Variants in LUZP2 observed in about 807,000 individuals in gnomAD.
LUZP2 encodes the protein leucine zipper protein 2.
Under a neutral mutation model 51.6 loss-of-function variants are expected in LUZP2, and 52 were observed. That is an observed-to-expected ratio of 1.01 (90% CI 0.81 to 1.27). LUZP2 has a LOEUF of 1.27. Among genes scored for constraint, LUZP2 ranks in the 50% most tolerant of loss-of-function variants. LUZP2 has a pLI of 0.00. For synonymous variants in LUZP2, 154 were observed against 137.3 expected (o/e 1.12, Z -0.85); for missense variants, 436 against 395.4 (o/e 1.10, Z -0.87).
At chr11:24,844,228 C>T (rs1590628137) in intron 5 of LUZP2, among the ~76,000 whole-genome samples, 1 of 152,216 alleles carries the variant, frequency 6.6e-6, no homozygotes, top group Non-Finnish European at 1.5e-5. Flanking sequence ...CTGAGGTGGT[C>T]TCAGATGCAG....
chr11:24,932,361 C>G (rs1230304293), intron 7 of LUZP2, among the ~76,000 whole-genome samples: 5 of 152,014 alleles, frequency 3.3e-5, no homozygotes, highest in Non-Finnish European at 7.4e-5. Flanking sequence ...CCATAGTGCT[C>G]CCACGAGATT....
At chr11:25,030,967 A>G (rs1435498563) in intron 9 of LUZP2, among the ~76,000 whole-genome samples, 7 of 10,322 alleles carry the variant, frequency 6.8e-4, no homozygotes, top group South Asian at 3.2e-3. Context: ...AATACAATAT[A>G]TATTATATAT....
At chr11:24,738,951 A>G (rs1458156173) in intron 4 of LUZP2, among the ~76,000 whole-genome samples, 1 of 152,086 alleles carries the variant, frequency 6.6e-6, no homozygotes, top group Non-Finnish European at 1.5e-5. Flanking sequence ...CTTACGCACC[A>G]TGTATAGGGA....
At chr11:24,976,739 A>G in intron 8 of LUZP2, 74 bp downstream of exon 8, 2 of 726,858 alleles carry the variant, frequency 2.8e-6, no homozygotes, top group East Asian at 7.2e-5. Flanking sequence ...AAGTTAAAGT[A>G]TGCTCATTGC....
At chr11:24,705,432 G>T (rs1031010509) in intron 1 of LUZP2, among the ~76,000 whole-genome samples, 36 of 152,144 alleles carry the variant, frequency 2.4e-4, no homozygotes, top group Non-Finnish European at 1.6e-4. Context: ...TGAAATTCCG[G>T]AACAGTATAT....
intron 5 of LUZP2, among the ~76,000 whole-genome samples, chr11:24,841,404 C>G (rs561151013): frequency 6.6e-6 from 1 of 152,088 alleles, no homozygotes; most frequent in African/African-American, 2.4e-5. Context: ...GCCACCTGGT[C>G]TATGGTATTT....
intron 5 of LUZP2, among the ~76,000 whole-genome samples, chr11:24,827,578 A>G (rs1850580094): frequency 6.6e-6 from 1 of 152,108 alleles, no homozygotes; most frequent in African/African-American, 2.4e-5. Flanking sequence ...GGAACATTTT[A>G]GGTGAAAAGA....
intron 5 of LUZP2, among the ~76,000 whole-genome samples, chr11:24,830,730 C>A (rs1000705218): frequency 7.9e-5 from 12 of 152,052 alleles, no homozygotes; most frequent in Non-Finnish European, 1.6e-4. Context: ...TGCGGTGGCT[C>A]ATGCCTGTAA....
intron 9 of LUZP2, among the ~76,000 whole-genome samples, chr11:25,036,338 G>T (rs986248152): frequency 2.0e-5 from 3 of 151,940 alleles, no homozygotes; most frequent in Non-Finnish European, 4.4e-5. Flanking sequence ...ATTTCTGATT[G>T]TGCTTATTGC....
chr11:24,855,336 C>G (rs1174063679), intron 5 of LUZP2, among the ~76,000 whole-genome samples: 2 of 152,012 alleles, frequency 1.3e-5, no homozygotes, highest in African/African-American at 4.8e-5. Context: ...CAATAACAAA[C>G]AAGCTGAGAA....
chr11:24,727,896 C>T (rs764167229), intron 1 of LUZP2, among the ~76,000 whole-genome samples: 6 of 151,756 alleles, frequency 4.0e-5, no homozygotes, highest in Admixed American at 6.6e-5. Context: ...ATGAGATGAA[C>T]GTATTAATCA....
At chr11:25,043,174 C>G (rs1221369204) in intron 9 of LUZP2, among the ~76,000 whole-genome samples, 1 of 152,058 alleles carries the variant, frequency 6.6e-6, no homozygotes, top group Non-Finnish European at 1.5e-5. Context: ...TTGTTTTAAG[C>G]CACTCACTCT....
At chr11:24,955,114 A>C (rs925390361) in intron 7 of LUZP2, among the ~76,000 whole-genome samples, 1 of 152,154 alleles carries the variant, frequency 6.6e-6, no homozygotes, top group Non-Finnish European at 1.5e-5. Flanking sequence ...TACACCCGTA[A>C]AGATGGAGTT....
chr11:24,769,109 T>C (rs1370474858), intron 5 of LUZP2, among the ~76,000 whole-genome samples: 3 of 152,132 alleles, frequency 2.0e-5, no homozygotes, highest in Admixed American at 6.5e-5. Context: ...CTAGAGGACA[T>C]TGTGTTAAGT....
At chr11:24,601,635 A>G (rs903720045) in intron 1 of LUZP2, among the ~76,000 whole-genome samples, 8 of 151,772 alleles carry the variant, frequency 5.3e-5, no homozygotes, top group Non-Finnish European at 1.2e-4. Context: ...TCTGCCCAAT[A>G]TATTTTATGG....
intron 5 of LUZP2, among the ~76,000 whole-genome samples, chr11:24,867,893 A>C (rs1851946064): frequency 6.6e-6 from 1 of 152,196 alleles, no homozygotes. Context: ...ACAACTTATC[A>C]GTACTGATGT....
chr11:24,562,571 A>C (rs1852080601), intron 1 of LUZP2, among the ~76,000 whole-genome samples: 1 of 151,808 alleles, frequency 6.6e-6, no homozygotes, highest in Non-Finnish European at 1.5e-5. Context: ...GAAAGGTTAT[A>C]GGCCGGGCGC....
At chr11:25,059,721 A>G (rs1044253045) in intron 10 of LUZP2, among the ~76,000 whole-genome samples, 1 of 152,184 alleles carries the variant, frequency 6.6e-6, no homozygotes, top group African/African-American at 2.4e-5. Flanking sequence ...CTGTTAAATC[A>G]TAAACACAAA....
At chr11:24,509,310 C>G (rs556102323) in intron 1 of LUZP2, among the ~76,000 whole-genome samples, 1 of 151,970 alleles carries the variant, frequency 6.6e-6, no homozygotes, top group South Asian at 2.1e-4. Context: ...CACTGGTAAT[C>G]AGAAGATGGC....
Sources: gnomAD v4.1 joint callset for allele counts (sites outside exome capture counted in the v4.1 genomes callset) on GRCh38, gnomAD v4.1.1 for gene constraint, MANE v1.5 for transcripts, NCBI Gene and HGNC (gene_info 2026-07-23, HGNC 2026-07-21) for gene names.